The following GLIS3 variants were observed in gnomAD, a reference collection of about 807,000 sequenced individuals.
GLIS3 encodes GLIS family zinc finger 3, also known as zinc finger protein GLIS3.
A neutral mutation model predicts 78.6 loss-of-function variants in GLIS3; 53 were observed. The ratio of observed to expected loss-of-function variants is 0.67; its 90% CI spans 0.54 to 0.85. GLIS3 has a LOEUF of 0.85. GLIS3 is among the 40% of genes least tolerant of loss of function. The pLI, the probability that GLIS3 is intolerant of heterozygous loss-of-function variation, is 0.00. For synonymous variants in GLIS3, 684 were observed against 509.9 expected (o/e 1.34, Z -4.60); for missense variants, 1,703 against 1,231.1 (o/e 1.38, Z -5.74).
chr9:4,418,912 T>C, the GLIS3 span, among the ~76,000 whole-genome samples: 3 of 152,198 alleles, frequency 2.0e-5, no homozygotes, highest in Admixed American at 6.5e-5. Flanking sequence ...TTCAAGTTGC[T>C]GCCCTGCATG....
chr9:4,430,398 G>A, the GLIS3 span, among the ~76,000 whole-genome samples: 7 of 152,306 alleles, frequency 4.6e-5, no homozygotes, highest in African/African-American at 1.4e-4. Flanking sequence ...CCATTTTGCA[G>A]CTCCCCGTCT....
chr9:3,921,947 C>CACACAG (rs370247351), intron 6 of GLIS3, among the ~76,000 whole-genome samples: 1 of 150,696 alleles, frequency 6.6e-6, no homozygotes, highest in Non-Finnish European at 1.5e-5. Context: ...CACACACACA[C>CACACAG]TCACACTTCA....
At chr9:3,966,521 C>T (rs34037843) in intron 4 of GLIS3, among the ~76,000 whole-genome samples, 12,213 of 151,666 alleles carry the variant, frequency 0.081, 551 homozygotes, top group Middle Eastern at 0.13. Context: ...TTAGGCCAGG[C>T]GCGGTGACTC....
chr9:3,927,234 G>C (rs1825317919), intron 6 of GLIS3, among the ~76,000 whole-genome samples: 1 of 152,204 alleles, frequency 6.6e-6, no homozygotes, highest in South Asian at 2.1e-4. Context: ...CTGTTGAGTA[G>C]AATAAATGAT....
intron 9 of GLIS3, among the ~76,000 whole-genome samples, chr9:3,833,493 A>C (rs1391860823): frequency 6.6e-6 from 1 of 152,112 alleles, no homozygotes; most frequent in African/African-American, 2.4e-5. Context: ...TCGGACCCAA[A>C]GCAAAATGAG....
chr9:4,168,751 C>G (rs1385042573), intron 2 of GLIS3, among the ~76,000 whole-genome samples: 3 of 152,154 alleles, frequency 2.0e-5, no homozygotes, highest in Non-Finnish European at 4.4e-5. Context: ...GAACATTCTG[C>G]TATGGAATTT....
intron 2 of GLIS3, among the ~76,000 whole-genome samples, chr9:4,268,291 G>A (rs757231125): frequency 6.6e-6 from 1 of 152,050 alleles, no homozygotes; most frequent in Non-Finnish European, 1.5e-5. Context: ...GCTTAAATGA[G>A]ATAATCTCTC....
At chr9:4,302,544 G>C (rs149475399), upstream of GLIS3, among the ~76,000 whole-genome samples, 929 of 152,346 alleles carry the variant, frequency 6.1e-3, 9 homozygotes, top group African/African-American at 0.021. Flanking sequence ...AAGAAATGGG[G>C]ACTCTTTGCA....
the GLIS3 span, among the ~76,000 whole-genome samples, chr9:4,483,282 T>G: frequency 6.6e-6 from 1 of 152,320 alleles, no homozygotes; most frequent in South Asian, 2.1e-4. Flanking sequence ...GTGAAATGTA[T>G]TTAGTGCCCA....
chr9:4,482,579 A>C, the GLIS3 span, among the ~76,000 whole-genome samples: 1 of 152,220 alleles, frequency 6.6e-6, no homozygotes, highest in Non-Finnish European at 1.5e-5. Flanking sequence ...CAAAGCAATC[A>C]ACCATAAATG....
At chr9:3,898,389 G>C (rs1378735803) in intron 7 of GLIS3, 1 of 406,024 alleles carries the variant, frequency 2.5e-6, no homozygotes, top group Non-Finnish European at 4.6e-6. Flanking sequence ...CATTTCCTTC[G>C]AGTCTAAATC....
chr9:4,110,087 C>T (rs1268545785), intron 4 of GLIS3, among the ~76,000 whole-genome samples: 2 of 152,168 alleles, frequency 1.3e-5, no homozygotes, highest in South Asian at 2.1e-4. Flanking sequence ...ATTTCTGTAT[C>T]CCCCGGGTAA....
At chr9:4,302,661 G>C (rs1391503096), upstream of GLIS3, among the ~76,000 whole-genome samples, 2 of 152,348 alleles carry the variant, frequency 1.3e-5, no homozygotes, top group South Asian at 2.1e-4. Context: ...AAGAGAGTCA[G>C]AGACAGAGCC....
intron 2 of GLIS3, among the ~76,000 whole-genome samples, chr9:4,180,917 C>G (rs1817264580): frequency 6.6e-6 from 1 of 152,188 alleles, no homozygotes; most frequent in Non-Finnish European, 1.5e-5. Context: ...GTCCCTTTTG[C>G]TCCATGACTG....
At chr9:3,969,838 T>C (rs563044923) in intron 4 of GLIS3, among the ~76,000 whole-genome samples, 2 of 152,330 alleles carry the variant, frequency 1.3e-5, no homozygotes, top group East Asian at 1.9e-4. Context: ...GTCCAGAAAC[T>C]GAGCAAAATT....
chr9:4,155,010 G>A (rs1308972184), intron 2 of GLIS3, among the ~76,000 whole-genome samples: 7 of 152,108 alleles, frequency 4.6e-5, no homozygotes, highest in African/African-American at 1.7e-4. Context: ...TGGAAAAAGA[G>A]ACCATGAAAC....
chr9:4,084,735 C>T (rs997722815), intron 4 of GLIS3, among the ~76,000 whole-genome samples: 5 of 152,124 alleles, frequency 3.3e-5, no homozygotes, highest in African/African-American at 7.2e-5. Context: ...CTTCAAGCTC[C>T]GAGCTCTGGT....
the GLIS3 span, among the ~76,000 whole-genome samples, chr9:4,375,956 TTCTCAG>T: frequency 6.6e-6 from 1 of 152,328 alleles, no homozygotes; most frequent in East Asian, 1.9e-4. Flanking sequence ...CTCACTTAAC[TTCTCAG>T]TCTTTGTTCA....
chr9:3,869,738 C>T (rs2130375394), intron 8 of GLIS3, among the ~76,000 whole-genome samples: 1 of 152,308 alleles, frequency 6.6e-6, no homozygotes, highest in East Asian at 1.9e-4. Context: ...TAGGACCTAT[C>T]ACTGCATTAC....
Sources: allele counts gnomAD v4.1 joint callset (sites outside exome capture counted in the v4.1 genomes callset), GRCh38; gene constraint gnomAD v4.1.1; transcripts MANE v1.5; gene names NCBI Gene and HGNC (gene_info 2026-07-23, HGNC 2026-07-21).